The following LINGO2 variants were observed in gnomAD, a reference collection of about 807,000 sequenced individuals.
LINGO2 encodes leucine-rich repeat and immunoglobulin-like domain-containing nogo receptor-interacting protein 2.
Under a neutral mutation model 30.6 loss-of-function variants are expected in LINGO2, and 14 were observed. The observed-to-expected ratio is 0.46, with a 90% CI of 0.30 to 0.72. The LOEUF (loss-of-function observed/expected upper bound fraction) is 0.72. Among genes scored for constraint, LINGO2 ranks in the 30% least tolerant of loss-of-function variants. The pLI, the probability that LINGO2 is intolerant of heterozygous loss-of-function variation, is 0.07. For missense variants in LINGO2, 729 were observed against 751.7 expected (o/e 0.97, Z 0.35); for synonymous variants, 317 against 288.5 (o/e 1.10, Z -1.00).
At chr9:28,848,861 G>A in the LINGO2 span, among the ~76,000 whole-genome samples, 1 of 151,772 alleles carries the variant, frequency 6.6e-6, no homozygotes, top group Non-Finnish European at 1.5e-5. Flanking sequence ...TGATGTGATT[G>A]TTTATGTGTC....
At chr9:28,746,565 G>T in the LINGO2 span, among the ~76,000 whole-genome samples, 1 of 152,006 alleles carries the variant, frequency 6.6e-6, no homozygotes, top group East Asian at 1.9e-4. Context: ...AGCTTTTCCA[G>T]GTGTTATTTA....
At chr9:28,056,934 T>C (rs80073942) in intron 4 of LINGO2, among the ~76,000 whole-genome samples, 1,867 of 152,320 alleles carry the variant, frequency 0.012, 40 homozygotes, top group African/African-American at 0.043. Context: ...CATAATTTGA[T>C]ATTATATTGG....
intron 2 of LINGO2, among the ~76,000 whole-genome samples, chr9:28,388,391 C>T (rs2134673436): frequency 6.6e-6 from 1 of 152,254 alleles, no homozygotes; most frequent in South Asian, 2.1e-4. Context: ...CCTGTGTCTC[C>T]TGATTCAGAT....
intron 1 of LINGO2, among the ~76,000 whole-genome samples, chr9:28,529,400 C>G (rs1160970342): frequency 6.6e-6 from 1 of 152,060 alleles, no homozygotes. Flanking sequence ...GTGTCTAATA[C>G]TGTTTTTCAC....
intron 5 of LINGO2, among the ~76,000 whole-genome samples, chr9:27,970,373 G>A (rs1334788510): frequency 9.2e-5 from 14 of 152,124 alleles, no homozygotes; most frequent in Non-Finnish European, 7.4e-5. Context: ...AACCAACTGA[G>A]AACTTTTAAT....
chr9:28,882,137 C>T, the LINGO2 span, among the ~76,000 whole-genome samples: 4 of 152,158 alleles, frequency 2.6e-5, no homozygotes, highest in African/African-American at 2.4e-5. Context: ...CCCAAAATTG[C>T]CTGTTGCTTC....
chr9:28,216,854 C>T (rs948451505), intron 4 of LINGO2, among the ~76,000 whole-genome samples: 1 of 151,660 alleles, frequency 6.6e-6, no homozygotes, highest in Non-Finnish European at 1.5e-5. Flanking sequence ...TTAGAAATTT[C>T]CCATCATATA....
the LINGO2 span, among the ~76,000 whole-genome samples, chr9:28,727,733 G>A: frequency 6.6e-5 from 10 of 152,170 alleles, no homozygotes; most frequent in Non-Finnish European, 1.5e-4. Context: ...CATAGAGTGG[G>A]AAGGCTGTAG....
chr9:28,714,207 AC>A, the LINGO2 span, among the ~76,000 whole-genome samples: 1 of 148,124 alleles, frequency 6.8e-6, no homozygotes, highest in African/African-American at 2.5e-5. Context: ...ACACACACAC[AC>A]ATACGCACAT....
At chr9:28,912,561 A>C in the LINGO2 span, among the ~76,000 whole-genome samples, 6 of 152,124 alleles carry the variant, frequency 3.9e-5, no homozygotes, top group Non-Finnish European at 7.4e-5. Context: ...GATAAAGTGG[A>C]AATCTACATC....
At chr9:28,679,482 A>C in the LINGO2 span, among the ~76,000 whole-genome samples, 1 of 152,078 alleles carries the variant, frequency 6.6e-6, no homozygotes, top group African/African-American at 2.4e-5. Flanking sequence ...GGAAAGTATA[A>C]GATTCCAGAT....
At chr9:28,446,660 G>A (rs1457381631) in intron 2 of LINGO2, among the ~76,000 whole-genome samples, 1 of 152,074 alleles carries the variant, frequency 6.6e-6, no homozygotes, top group East Asian at 1.9e-4. Context: ...CCTCACCTCT[G>A]CAAAAGCCTT....
At chr9:28,985,616 A>T in the LINGO2 span, among the ~76,000 whole-genome samples, 4 of 152,138 alleles carry the variant, frequency 2.6e-5, no homozygotes. Flanking sequence ...ATAATTGGTG[A>T]TGTGGAGCAT....
intron 4 of LINGO2, among the ~76,000 whole-genome samples, chr9:28,092,554 G>C (rs377521233): frequency 1.3e-5 from 2 of 148,708 alleles, no homozygotes; most frequent in East Asian, 2.1e-4. Context: ...TGTGCGGTGG[G>C]GGGGAGGGGG....
At chr9:28,246,294 T>C (rs1821996372) in intron 4 of LINGO2, among the ~76,000 whole-genome samples, 1 of 151,884 alleles carries the variant, frequency 6.6e-6, no homozygotes, top group Admixed American at 6.6e-5. Flanking sequence ...CATGGTGGTG[T>C]GTACCTGTAG....
the LINGO2 span, among the ~76,000 whole-genome samples, chr9:28,979,653 C>G: frequency 1.3e-5 from 2 of 151,894 alleles, no homozygotes; most frequent in African/African-American, 4.8e-5. Context: ...ATATGCGGGA[C>G]TATGCCATAC....
intron 3 of LINGO2, among the ~76,000 whole-genome samples, chr9:28,364,069 A>T (rs776726534): frequency 4.6e-5 from 7 of 152,150 alleles, no homozygotes; most frequent in Non-Finnish European, 8.8e-5. Context: ...ACCAGGAGAA[A>T]TATCACCCTG....
At chr9:28,627,655 C>G (rs947825839) in intron 1 of LINGO2, among the ~76,000 whole-genome samples, 1 of 152,020 alleles carries the variant, frequency 6.6e-6, no homozygotes, top group Non-Finnish European at 1.5e-5. Context: ...AGTTTTCTGG[C>G]TGTTTAAGGT....
intron 4 of LINGO2, among the ~76,000 whole-genome samples, chr9:28,049,759 C>T (rs1824587482): frequency 6.7e-6 from 1 of 150,354 alleles, no homozygotes; most frequent in African/African-American, 2.5e-5. Flanking sequence ...TTACTGGAAC[C>T]AAGTACAAGG....
Sources: gnomAD v4.1 joint callset for allele counts (sites outside exome capture counted in the v4.1 genomes callset) on GRCh38, gnomAD v4.1.1 for gene constraint, MANE v1.5 for transcripts, NCBI Gene and HGNC (gene_info 2026-07-23, HGNC 2026-07-21) for gene names.